The following LHFPL3 variants were observed in gnomAD, a reference collection of about 807,000 sequenced individuals.
LHFPL3 encodes LHFPL tetraspan subfamily member 3.
A neutral mutation model predicts 19.3 loss-of-function variants in LHFPL3; 5 were observed. The ratio of observed to expected loss-of-function variants is 0.26; its 90% CI spans 0.14 to 0.54. The LOEUF is 0.54. Ranked by LOEUF, LHFPL3 falls within the 20% of genes least tolerant of loss-of-function variation. LHFPL3 has a pLI of 0.94. For synonymous variants in LHFPL3, 133 were observed against 126.2 expected, an observed-to-expected ratio of 1.05 and a Z score of -0.36; for missense variants, 249 against 307.4, an observed-to-expected ratio of 0.81 and a Z score of 1.42.
intron 1 of LHFPL3, among the ~76,000 whole-genome samples, chr7:104,684,997 T>C (rs1792778838): frequency 6.6e-6 from 1 of 152,244 alleles, no homozygotes; most frequent in South Asian, 2.1e-4. Context: ...TTATCTCAGA[T>C]TATCCTGCCT....
chr7:104,808,579 G>T (rs1790410661), intron 2 of LHFPL3, among the ~76,000 whole-genome samples: 1 of 152,182 alleles, frequency 6.6e-6, no homozygotes, highest in Non-Finnish European at 1.5e-5. Context: ...TGGAGGAGAA[G>T]AGGTGAAAAA....
At chr7:104,563,042 C>T (rs202042062) in intron 1 of LHFPL3, among the ~76,000 whole-genome samples, 1 of 152,090 alleles carries the variant, frequency 6.6e-6, no homozygotes, top group African/African-American at 2.4e-5. Context: ...TGCCCATTCT[C>T]AGATCTCCAG....
intron 2 of LHFPL3, among the ~76,000 whole-genome samples, chr7:104,740,632 A>G (rs571473972): frequency 5.3e-5 from 8 of 152,346 alleles, no homozygotes; most frequent in African/African-American, 1.4e-4. Flanking sequence ...TCACATCTAC[A>G]GGGCAGCAGG....
chr7:104,494,193 C>A (rs536993015), intron 1 of LHFPL3, among the ~76,000 whole-genome samples: 1 of 152,180 alleles, frequency 6.6e-6, no homozygotes, highest in Admixed American at 6.5e-5. Flanking sequence ...ACAATAGAAG[C>A]AACAACTAAC....
intron 2 of LHFPL3, among the ~76,000 whole-genome samples, chr7:104,861,066 G>A (rs1450357806): frequency 2.0e-5 from 3 of 152,174 alleles, no homozygotes; most frequent in African/African-American, 7.2e-5. Flanking sequence ...AAGATAATAA[G>A]AGAGAGCCGG....
intron 1 of LHFPL3, among the ~76,000 whole-genome samples, chr7:104,463,010 T>C (rs1168361359): frequency 6.6e-6 from 1 of 152,190 alleles, no homozygotes; most frequent in Non-Finnish European, 1.5e-5. Context: ...TTGTAGTTTT[T>C]CTAGTTTATA....
chr7:104,489,152 G>A (rs1459893300), intron 1 of LHFPL3, among the ~76,000 whole-genome samples: 1 of 36,176 alleles, frequency 2.8e-5, no homozygotes, highest in African/African-American at 6.8e-5. Flanking sequence ...GCGGGATCTC[G>A]GCTCATTGCA....
Position 104,328,728 on chromosome 7 carries a change from C to A in LHFPL3, c.-52C>A. The A allele has an allele frequency of 6.8e-7, 1 of 1,468,302 alleles. No individual in the cohort carries two copies. Among genetic ancestry groups the A allele is most frequent in the Non-Finnish European group, 9.1e-7 (1 of 1,093,336 alleles). 91.0% of individuals were successfully genotyped at this position (1,468,302 alleles called of 1,614,324 possible). A position where few individuals can be genotyped will look rare whatever the true frequency, so the allele number is the denominator to read the frequency against. On this transcript the variant is annotated 5_prime_UTR_variant, in exon 1 of 3. Coordinates refer to ENST00000424859, the MANE Select transcript of LHFPL3 (RefSeq NM_199000.3). The surrounding 1 kb of genome is among the most constrained non-coding windows in gnomAD (Gnocchi z 4.6). Reference sequence around the variant, plus strand: ...AGTGTGTCTCCTGCGCGCTGAGAGGCGGGGGGAGGCGGAGGACCAGGAGGA... The same window carrying A: ...AGTGTGTCTCCTGCGCGCTGAGAGGAGGGGGGAGGCGGAGGACCAGGAGGA...
intron 1 of LHFPL3, among the ~76,000 whole-genome samples, chr7:104,361,152 A>T (rs1270048230): frequency 3.3e-5 from 5 of 152,156 alleles, no homozygotes; most frequent in South Asian, 4.1e-4. Flanking sequence ...TTGAGACTGG[A>T]TGGCCCACTA....
chr7:104,570,821 G>T (rs1301143687), intron 1 of LHFPL3, among the ~76,000 whole-genome samples: 1 of 152,086 alleles, frequency 6.6e-6, no homozygotes, highest in East Asian at 1.9e-4. Context: ...TATCTTTTCT[G>T]CTCTTCTCCC....
At chr7:104,702,052 G>A (rs771338132) in intron 1 of LHFPL3, among the ~76,000 whole-genome samples, 6 of 151,582 alleles carry the variant, frequency 4.0e-5, no homozygotes, top group Non-Finnish European at 7.4e-5. Context: ...ACAGGCCCCA[G>A]TGTGTGATGT....
intron 2 of LHFPL3, among the ~76,000 whole-genome samples, chr7:104,905,627 T>C (rs931574681): frequency 2.0e-5 from 3 of 152,076 alleles, no homozygotes; most frequent in African/African-American, 7.2e-5. Flanking sequence ...ATTTAGAAAA[T>C]TGTCTTTAAT....
At chr7:104,775,453 T>C (rs997582719) in intron 2 of LHFPL3, among the ~76,000 whole-genome samples, 2 of 152,212 alleles carry the variant, frequency 1.3e-5, no homozygotes, top group Admixed American at 6.5e-5. Context: ...TCAAACTATA[T>C]TTCCAAAGAA....
intron 1 of LHFPL3, among the ~76,000 whole-genome samples, chr7:104,458,056 T>G (rs965151021): frequency 3.8e-4 from 58 of 151,346 alleles, no homozygotes; most frequent in Non-Finnish European, 7.1e-4. Context: ...TTTCTCCCAT[T>G]TTGTAGGTTG....
chr7:104,616,438 C>T (rs1055258353), intron 1 of LHFPL3, among the ~76,000 whole-genome samples: 1 of 152,062 alleles, frequency 6.6e-6, no homozygotes, highest in Non-Finnish European at 1.5e-5. Flanking sequence ...TAGCCATATG[C>T]AGAAAACTGA....
chr7:104,568,447 C>A (rs1790164469), intron 1 of LHFPL3, among the ~76,000 whole-genome samples: 2 of 152,178 alleles, frequency 1.3e-5, no homozygotes, highest in South Asian at 4.1e-4. Flanking sequence ...ATGGGAAATT[C>A]TTCCACTGAG....
intron 1 of LHFPL3, among the ~76,000 whole-genome samples, chr7:104,338,052 G>A (rs11769609): frequency 8.0e-5 from 12 of 150,478 alleles, no homozygotes; most frequent in Non-Finnish European, 1.5e-4. Flanking sequence ...CGAATGCAAG[G>A]CATATAAAAA....
chr7:104,903,437 C>A (rs1327762584), intron 2 of LHFPL3, among the ~76,000 whole-genome samples: 1 of 150,874 alleles, frequency 6.6e-6, no homozygotes, highest in Non-Finnish European at 1.5e-5. Context: ...CCTCTGTGGT[C>A]TCCCTATTCA....
chr7:104,887,544 G>A (rs1584599047), intron 2 of LHFPL3, among the ~76,000 whole-genome samples: 1 of 152,242 alleles, frequency 6.6e-6, no homozygotes, highest in East Asian at 1.9e-4. Context: ...AAGGGATGGT[G>A]ATTCCCTGGC....
Sources: allele counts gnomAD v4.1 joint callset (sites outside exome capture counted in the v4.1 genomes callset), GRCh38; gene constraint gnomAD v4.1.1; non-coding constraint Gnocchi (gnomAD v3.1); transcripts MANE v1.5; gene names NCBI Gene and HGNC (gene_info 2026-07-23, HGNC 2026-07-21).